The following AKAP9 variants were observed in gnomAD, a reference collection of about 807,000 sequenced individuals.
AKAP9 encodes the protein A-kinase anchoring protein 9, also known as A-kinase anchor protein 9.
In AKAP9, 311 loss-of-function variants were observed where a neutral mutation model predicts 488.5. That is an observed-to-expected ratio of 0.64 (90% confidence interval 0.58 to 0.70). AKAP9 has a LOEUF of 0.70. Ranked by LOEUF, AKAP9 falls within the 30% of genes least tolerant of loss-of-function variation. The pLI is 0.00. For synonymous variants in AKAP9, 1,462 were observed against 1,483.5 expected (o/e 0.99, Z 0.33); for missense variants, 4,215 against 4,374.5 (o/e 0.96, Z 1.03).
At chr7:91,990,491 TAA>T (rs764855583) in intron 3 of AKAP9, among the ~76,000 whole-genome samples, 1 of 152,150 alleles carries the variant, frequency 6.6e-6, no homozygotes, top group Non-Finnish European at 1.5e-5. Context: ...TTAATATTGA[TAA>T]GTTTTACATT....
chr7:91,964,602 T>TA (rs1176045289), intron 1 of AKAP9, among the ~76,000 whole-genome samples: 10 of 151,968 alleles, frequency 6.6e-5, no homozygotes, highest in Non-Finnish European at 1.2e-4. Context: ...TCTATAAAAA[T>TA]AAAAAAATAG....
At chr7:91,964,925 A>G (rs1328711110) in intron 1 of AKAP9, among the ~76,000 whole-genome samples, 1 of 152,302 alleles carries the variant, frequency 6.6e-6, no homozygotes, top group East Asian at 1.9e-4. Context: ...TATGTAATGT[A>G]TATATTTTGG....
chr7:92,102,448 T>TTACTACTACTACTACTACTACTATTAC, intron 45 of AKAP9, 146 bp from the exon 46 acceptor site: 1 of 594,164 alleles, frequency 1.7e-6, no homozygotes, highest in Admixed American at 2.9e-5. Flanking sequence ...CGTTTTACTA[T>TTACTACTACTACTACTACTACTATTAC]TACTACTACT....
Position 92,016,152 on chromosome 7 carries a change from A to C in AKAP9, c.3636A>C (p.Glu1212Asp). The part of the protein sequence containing the change: ...FLQTLCSVLG[E>D]YYTPALKCEV... ...AGACTTTATGCAGTGTCCTTGGTGA[A>C]TATTATACTCCTGCTTTAAAATGTG... is the stretch of plus-strand genomic sequence containing the variant. Residue 1212 changes from glutamate to aspartate, a missense_variant, in exon 11 of 50, where the codon GAA becomes GAC. By Grantham distance (45) the Glu-to-Asp change is conservative. Coordinates refer to ENST00000356239, the MANE Select transcript of AKAP9 (RefSeq NM_005751.5). 6.2e-7 allele frequency: 1 copy of C among 1,604,462 alleles called. No individual in the cohort carries two copies. Among genetic ancestry groups the C allele is most frequent in the Non-Finnish European group, 8.5e-7 (1 of 1,171,932 alleles).
In AKAP9 at chr7:91,954,890, G is replaced by A. The variant is rs554714479; in HGVS notation, c.48+13743G>A. Among the ~76,000 whole-genome samples, 6 of 152,318 alleles carry A rather than the reference G, an allele frequency of 3.9e-5. No individual in the cohort carries two copies. In the South Asian group the frequency reaches 1.0e-3, roughly 26 times the overall value. On this transcript the variant is annotated intron_variant, in intron 1 of 49. Coordinates refer to ENST00000356239, the MANE Select transcript of AKAP9 (RefSeq NM_005751.5). Reference sequence around the variant, plus strand: ...TACTTGGTGTGGAACTAAAGGAATAGGGATGATTCAATGCCAGAAGGAAAA... The same window carrying A: ...TACTTGGTGTGGAACTAAAGGAATAAGGATGATTCAATGCCAGAAGGAAAA...
At position 92,095,087 on chromosome 7, in the gene AKAP9, A is replaced by C. The variant is rs1380870083; in HGVS notation, c.9643A>C (p.Lys3215Gln). 1 of 1,614,070 alleles carries C rather than the reference A, an allele frequency of 6.2e-7. No individual in the cohort carries two copies. Among genetic ancestry groups the C allele is most frequent in the Non-Finnish European group, 8.5e-7 (1 of 1,180,018 alleles). Residue 3215 changes from lysine (K) to glutamine (Q), a missense_variant, in exon 40 of 50, where the codon AAA becomes CAA. Lys to Gln is a moderately conservative substitution (Grantham distance 53). Coordinates refer to ENST00000356239, the MANE Select transcript of AKAP9 (RefSeq NM_005751.5). ...TAATGACACATTAGCAAGTGAACAG[A>C]AAAAATCAAGAGAGCTCCAGTGGGC... is the stretch of plus-strand genomic sequence containing the variant. ...LLNDTLASEQKKSRELQWALE... is the reference protein window; with the variant it reads ...LLNDTLASEQQKSRELQWALE...
At chr7:92,091,599 A>T (rs963296012) in intron 38 of AKAP9, among the ~76,000 whole-genome samples, 1 of 55,348 alleles carries the variant, frequency 1.8e-5, no homozygotes, top group African/African-American at 4.6e-5. Flanking sequence ...AAAAAAAAAC[A>T]AAAAAAAAAA....
At chr7:92,057,041 A>G (rs960145922) in intron 22 of AKAP9, among the ~76,000 whole-genome samples, 2 of 152,050 alleles carry the variant, frequency 1.3e-5, no homozygotes, top group African/African-American at 2.4e-5. Flanking sequence ...AGGCTATTCT[A>G]TATAACTTGG....
chr7:92,102,730 G>C lies in AKAP9; in HGVS notation c.11234G>C (p.Gly3745Ala), dbSNP rs140853603. Residue 3745 changes from glycine to alanine, a missense_variant, in exon 46 of 50, where the codon GGG becomes GCG. Gly to Ala is a moderately conservative substitution (Grantham distance 60). Coordinates refer to ENST00000356239, the MANE Select transcript of AKAP9 (RefSeq NM_005751.5). Reference protein sequence around the residue: ...ATLALLARMGGQPAFTDLEVI... With the variant: ...ATLALLARMGAQPAFTDLEVI... ...TTGGCCCTGCTTGCCCGGATGGGGG[G>C]GCAGCCAGCTTTCACGGATCTAGAG... The C allele has an allele frequency of 1.9e-6, 3 of 1,614,088 alleles. No homozygotes were observed. Among genetic ancestry groups the C allele is most frequent in the East Asian group, 4.5e-5 (2 of 44,890 alleles).
Position 92,001,588 on chromosome 7 carries a change from A to G in AKAP9, c.1671A>G (p.Lys557=), listed in dbSNP as rs886062469. ...ARQTIAEQES[K]LNEAHKSLST... ...AGACAATAGCTGAACAAGAAAGTAA[A>G]CTTAATGAAGCACATAAGTCCCTTA... Residue 557 remains lysine (K), a synonymous_variant, in exon 8 of 50, where the codon AAA becomes AAG. Transcript: ENST00000356239. The G allele has an allele frequency of 6.2e-7, 1 of 1,613,872 alleles. No homozygotes were observed. Among genetic ancestry groups the G allele is most frequent in the South Asian group, 1.1e-5 (1 of 91,076 alleles).
At chr7:92,106,657 G>C (rs1215732032) in intron 47 of AKAP9, among the ~76,000 whole-genome samples, 1 of 152,134 alleles carries the variant, frequency 6.6e-6, no homozygotes, top group Non-Finnish European at 1.5e-5. Context: ...AACAAACTAG[G>C]GCTTGAACAT....
chr7:92,042,330 G>A, intron 19 of AKAP9, 144 bp downstream of exon 19: 1 of 1,063,934 alleles, frequency 9.4e-7, no homozygotes, highest in South Asian at 1.3e-5. Context: ...GGTAGGTGGA[G>A]TCAAAATGCC....
rs929394122 is a variant in AKAP9, at chr7:92,023,802, A to G, written c.4148+793A>G. Among the ~76,000 whole-genome samples, 18 of 152,186 alleles carry G rather than the reference A, an allele frequency of 1.2e-4. 1 individual carries two copies. The highest frequency in any genetic ancestry group is 3.9e-4 in the African/African-American group (16 of 41,528). On this transcript the variant is annotated intron_variant, in intron 14 of 49. Transcript: ENST00000356239. The stretch of plus-strand genomic sequence containing the variant: ...TGTCTGTCACTGTCTTCTGACCCCA[A>G]GATACTGGTGACAGCATCTTGGGGT...
intron 8 of AKAP9, among the ~76,000 whole-genome samples, chr7:92,010,186 G>A (rs952964328): frequency 6.6e-6 from 1 of 152,226 alleles, no homozygotes; most frequent in Non-Finnish European, 1.5e-5. Flanking sequence ...TTCTTGGGAG[G>A]CCGGGAGGTT....
In AKAP9 at chr7:91,993,909, G is replaced by A. The variant is rs1798070389; in HGVS notation, c.577-712G>A. The stretch of plus-strand genomic sequence containing the variant: ...TTCAAGAGGCTGAGGCAAGAGGATA[G>A]CTTGAGTCTGGTAGTTTGAGACTGG... On this transcript the variant is annotated intron_variant, in intron 5 of 49. Coordinates refer to ENST00000356239, the MANE Select transcript of AKAP9 (RefSeq NM_005751.5). Among the ~76,000 whole-genome samples, 3 of 152,208 alleles carry A rather than the reference G, an allele frequency of 2.0e-5. No individual in the cohort carries two copies. In the South Asian group the frequency reaches 6.2e-4, roughly 32 times the overall value.
At chr7:92,040,998 G>C in intron 18 of AKAP9, 100 bp downstream of exon 18, 4 of 1,026,792 alleles carry the variant, frequency 3.9e-6, no homozygotes, top group Non-Finnish European at 5.6e-6. Context: ...TTTTTATGTA[G>C]CCATAATTTT....
intron 28 of AKAP9, among the ~76,000 whole-genome samples, chr7:92,075,538 G>A (rs1289481391): frequency 2.0e-5 from 3 of 152,222 alleles, no homozygotes; most frequent in Non-Finnish European, 4.4e-5. Context: ...AGCAGGATAA[G>A]TGATAGTTTA....
At position 92,097,381 on chromosome 7, in the gene AKAP9, A is replaced by G. The variant is rs1035533612; in HGVS notation, c.10398+24A>G. 23 of 1,608,880 alleles carry G rather than the reference A, an allele frequency of 1.4e-5. No homozygotes were observed. In the Admixed American group the frequency reaches 3.8e-4, roughly 27 times the overall value. ...AGGTAAACTGACAGTTTCTTTTTAG[A>G]TATTTTTAAGGAAAGCACTGCAGCC... On this transcript the variant is annotated intron_variant, in intron 41 of 49. Transcript: ENST00000356239.
chr7:91,982,222 A>G (rs1002909675), intron 3 of AKAP9, among the ~76,000 whole-genome samples: 2 of 151,922 alleles, frequency 1.3e-5, no homozygotes. Flanking sequence ...TTTAAGTTCT[A>G]GGGTACCTGT....
Sources: gnomAD v4.1 joint callset for allele counts (sites outside exome capture counted in the v4.1 genomes callset) on GRCh38, gnomAD v4.1.1 for gene constraint, MANE v1.5 for transcripts, NCBI Gene and HGNC (gene_info 2026-07-23, HGNC 2026-07-21) for gene names.